Variants in LRFN5 observed in about 807,000 individuals in gnomAD.
LRFN5 encodes leucine-rich repeat and fibronectin type-III domain-containing protein 5.
Under a neutral mutation model 45.6 loss-of-function variants are expected in LRFN5, and 24 were observed. The observed-to-expected ratio is 0.53, with a 90% CI of 0.38 to 0.74. LRFN5 has a LOEUF of 0.74. Among genes scored for constraint, LRFN5 ranks in the 30% least tolerant of loss-of-function variants. The probability of loss-of-function intolerance (pLI) is 0.00; values close to 1 mark genes in which losing one functional copy is unlikely to be tolerated. For synonymous variants in LRFN5, 340 were observed against 313.8 expected (o/e 1.08, Z -0.88); for missense variants, 776 against 861.5 (o/e 0.90, Z 1.24).
Position 41,742,063 on chromosome 14 carries a change from G to A in LRFN5, c.-196-24791G>A, listed in dbSNP as rs532412845. Among the ~76,000 whole-genome samples, 152 of 151,824 alleles carry A rather than the reference G, an allele frequency of 1.0e-3. 1 individual carries two copies. The highest frequency in any genetic ancestry group is 3.5e-3 in the African/African-American group (146 of 41,498). On this transcript the variant is annotated intron_variant, in intron 1 of 5. Coordinates refer to ENST00000298119, the MANE Select transcript of LRFN5 (RefSeq NM_152447.5). ...AGAAATGGACCCTTTGTACACTGTT[G>A]GGGCCAATGTAAATTAATACAATCA... is the stretch of plus-strand genomic sequence containing the variant.
At chr14:41,716,799 A>G (rs965252538) in intron 1 of LRFN5, among the ~76,000 whole-genome samples, 1 of 151,932 alleles carries the variant, frequency 6.6e-6, no homozygotes, top group Non-Finnish European at 1.5e-5. Context: ...GCAGCACCCC[A>G]CTCTACTGGT....
chr14:41,798,949 C>G (rs897271441), intron 2 of LRFN5, among the ~76,000 whole-genome samples: 1 of 151,916 alleles, frequency 6.6e-6, no homozygotes, highest in Non-Finnish European at 1.5e-5. Flanking sequence ...TGAGGCTACT[C>G]TAGTTGAGGT....
intron 1 of LRFN5, among the ~76,000 whole-genome samples, chr14:41,713,486 G>T (rs1883367282): frequency 6.6e-6 from 1 of 151,180 alleles, no homozygotes; most frequent in African/African-American, 2.4e-5. Context: ...ACATAAAATT[G>T]AAATGAGTAG....
intron 1 of LRFN5, among the ~76,000 whole-genome samples, chr14:41,616,933 G>A (rs1887946675): frequency 6.6e-6 from 1 of 152,094 alleles, no homozygotes; most frequent in Non-Finnish European, 1.5e-5. Context: ...TGTCTCAACT[G>A]TAAAGTGTTT....
chr14:41,898,943 A>G lies in LRFN5; in HGVS notation c.2125A>G (p.Ile709Val), dbSNP rs755488924. 157 of 1,611,294 alleles carry G rather than the reference A, an allele frequency of 9.7e-5. No homozygotes were observed. Among genetic ancestry groups the G allele is most frequent in the Non-Finnish European group, 1.3e-4 (151 of 1,178,756 alleles). The change falls in exon 5 of 6, where the codon ATT becomes GTT. Residue 709 changes from isoleucine to valine, a missense_variant. Transcript: ENST00000298119. ...TGCTTTGCTGACTAATGTTGACCAG[A>G]TTGTCCAGGAAACACAGGTGAGATT... ...PNALLTNVDQ[I>V]VQETQRLELI
Position 41,893,706 on chromosome 14 carries a change from G to C in LRFN5, c.2098+1744G>C, listed in dbSNP as rs569923318. On this transcript the variant is annotated intron_variant, in intron 4 of 5. Transcript: ENST00000298119. ...CAATGTATCATGATGCCATTCAATA[G>C]TATGTAAGATTAAAGTAGTTAGAGA... 9.1e-6 allele frequency: 9 copies of C among 985,286 alleles called. No homozygotes were observed. The African/African-American group carries it at 1.6e-4, about 17-fold the overall frequency. The allele number at this position is 985,286 out of a possible 1,614,324, so 61.0% of individuals were successfully genotyped here.
intron 1 of LRFN5, among the ~76,000 whole-genome samples, chr14:41,713,795 T>C (rs531885952): frequency 6.6e-6 from 1 of 152,282 alleles, no homozygotes; most frequent in South Asian, 2.1e-4. Context: ...AATCTCTTCC[T>C]GAAACAATTT....
intron 1 of LRFN5, among the ~76,000 whole-genome samples, chr14:41,692,959 T>C (rs1882447339): frequency 6.6e-6 from 1 of 152,084 alleles, no homozygotes; most frequent in Non-Finnish European, 1.5e-5. Flanking sequence ...CCTGTAGATA[T>C]CCATTGGAAC....
chr14:41,788,746 T>A (rs930368909), intron 2 of LRFN5, among the ~76,000 whole-genome samples: 1 of 152,056 alleles, frequency 6.6e-6, no homozygotes, highest in African/African-American at 2.4e-5. Flanking sequence ...AAGTCCTTTT[T>A]CTTTGATTTA....
chr14:41,754,859 G>C (rs1885303169), intron 1 of LRFN5, among the ~76,000 whole-genome samples: 2 of 151,876 alleles, frequency 1.3e-5, no homozygotes, highest in African/African-American at 4.8e-5. Flanking sequence ...GTGATGTTAG[G>C]GTGTCGATTT....
intron 2 of LRFN5, among the ~76,000 whole-genome samples, chr14:41,866,674 G>C (rs1392992947): frequency 3.9e-5 from 6 of 151,928 alleles, no homozygotes; most frequent in Non-Finnish European, 7.4e-5. Context: ...GTTTTTGTTT[G>C]GTTTTTATCT....
At chr14:41,680,113 T>C (rs1881817726) in intron 1 of LRFN5, among the ~76,000 whole-genome samples, 1 of 152,078 alleles carries the variant, frequency 6.6e-6, no homozygotes, top group South Asian at 2.1e-4. Flanking sequence ...GAACAATAGG[T>C]AGATCCCTAA....
At position 41,821,798 on chromosome 14, in the gene LRFN5, G is replaced by A. The variant is rs192672177; in HGVS notation, c.-21+54769G>A. ...AGGGATTTTTTTTTTTAATTGGGGT[G>A]GGGGGAGATTTGTTTTTTAATTACT... On this transcript the variant is annotated intron_variant, in intron 2 of 5. Transcript: ENST00000298119. 4.7e-5 allele frequency among the ~76,000 whole-genome samples: 7 copies of A among 149,232 alleles called. No homozygotes were observed. In the East Asian group the frequency reaches 1.4e-3, roughly 30 times the overall value.
chr14:41,765,039 A>G (rs968347642), intron 1 of LRFN5, among the ~76,000 whole-genome samples: 10 of 152,070 alleles, frequency 6.6e-5, no homozygotes, highest in African/African-American at 2.4e-4. Context: ...GTTTTTCAAG[A>G]CGTTAAAGAA....
chr14:41,610,931 T>G (rs1207660482), intron 1 of LRFN5, among the ~76,000 whole-genome samples: 4 of 152,114 alleles, frequency 2.6e-5, no homozygotes, highest in Non-Finnish European at 5.9e-5. Context: ...GATATCATAC[T>G]TACAATATTT....
intron 1 of LRFN5, among the ~76,000 whole-genome samples, chr14:41,649,206 A>T (rs1047728673): frequency 6.6e-6 from 1 of 152,050 alleles, no homozygotes; most frequent in South Asian, 2.1e-4. Flanking sequence ...CTGCACTTCA[A>T]CCTGGGCAAA....
chr14:41,637,471 A>T (rs978479052), intron 1 of LRFN5, among the ~76,000 whole-genome samples: 4 of 152,020 alleles, frequency 2.6e-5, no homozygotes, highest in African/African-American at 9.7e-5. Flanking sequence ...TAAATCCAGA[A>T]TTTTTCTATA....
chr14:41,621,275 CA>C (rs566896518), intron 1 of LRFN5, among the ~76,000 whole-genome samples: 4 of 152,014 alleles, frequency 2.6e-5, no homozygotes, highest in Non-Finnish European at 5.9e-5. Context: ...AAATTAGTAT[CA>C]AGTCTCTCAA....
intron 2 of LRFN5, among the ~76,000 whole-genome samples, chr14:41,775,349 A>C (rs1429932841): frequency 6.6e-6 from 1 of 152,028 alleles, no homozygotes; most frequent in Non-Finnish European, 1.5e-5. Context: ...TCCGCCTTCC[A>C]AAGTGCTTGT....
Sources: allele counts gnomAD v4.1 joint callset (sites outside exome capture counted in the v4.1 genomes callset), GRCh38; gene constraint gnomAD v4.1.1; transcripts MANE v1.5; gene names NCBI Gene and HGNC (gene_info 2026-07-23, HGNC 2026-07-21).